Variants in PPP1R14D observed in about 807,000 individuals in gnomAD.
The protein encoded by PPP1R14D is protein phosphatase 1 regulatory subunit 14D.
PPP1R14D carries 14 observed loss-of-function variants against 17.1 expected under a neutral mutation model. The observed-to-expected ratio is 0.82, with a 90% CI of 0.54 to 1.28. The LOEUF (loss-of-function observed/expected upper bound fraction) is 1.28. PPP1R14D is among the 50% of genes most tolerant of loss of function. The pLI is 0.00. For synonymous variants in PPP1R14D, 67 were observed against 66.1 expected (o/e 1.01, Z -0.06); for missense variants, 173 against 179.2 (o/e 0.97, Z 0.20).
intron 1 of PPP1R14D, among the ~76,000 whole-genome samples, chr15:40,827,908 C>T (rs1342979292): frequency 6.6e-6 from 1 of 151,022 alleles, no homozygotes. Flanking sequence ...TGCAACAGGG[C>T]AAGACTTTGT....
intron 1 of PPP1R14D, among the ~76,000 whole-genome samples, chr15:40,825,861 A>ATTC (rs1890861356): frequency 2.6e-5 from 4 of 152,190 alleles, no homozygotes; most frequent in African/African-American, 4.8e-5. Flanking sequence ...TTGCCTGGGA[A>ATTC]CGCTCCTTCC....
chr15:40,817,629 T>C (rs1389066327), intron 1 of PPP1R14D, among the ~76,000 whole-genome samples: 5 of 151,108 alleles, frequency 3.3e-5, no homozygotes, highest in Non-Finnish European at 7.4e-5. Flanking sequence ...TTTTTTTTTT[T>C]TTGAGACAAA....
intron 1 of PPP1R14D, among the ~76,000 whole-genome samples, 171 bp from the exon 2 acceptor site, chr15:40,816,424 A>G (rs557027266): frequency 6.6e-6 from 1 of 152,354 alleles, no homozygotes; most frequent in Non-Finnish European, 1.5e-5. Context: ...AACATATACT[A>G]TATTTTGGCT....
chr15:40,827,946 C>A (rs150423878), intron 1 of PPP1R14D, among the ~76,000 whole-genome samples: 1 of 140,650 alleles, frequency 7.1e-6, no homozygotes, highest in Admixed American at 7.6e-5. Flanking sequence ...AAACAAAAAA[C>A]AAAAGAAAGA....
intron 1 of PPP1R14D, among the ~76,000 whole-genome samples, chr15:40,821,785 G>A (rs1466450730): frequency 1.3e-5 from 2 of 151,858 alleles, no homozygotes; most frequent in Non-Finnish European, 2.9e-5. Context: ...AAAATTAGCC[G>A]GGTGTGGTGG....
intron 1 of PPP1R14D, among the ~76,000 whole-genome samples, chr15:40,823,087 C>A (rs569692913): frequency 1.1e-3 from 168 of 151,792 alleles, no homozygotes; most frequent in Non-Finnish European, 1.8e-3. Flanking sequence ...GCCTTAGCCT[C>A]CCAAGCAGCT....
chr15:40,819,491 C>T (rs1415001681), intron 1 of PPP1R14D, among the ~76,000 whole-genome samples: 1 of 150,758 alleles, frequency 6.6e-6, no homozygotes, highest in African/African-American at 2.4e-5. Flanking sequence ...GAGCCAATAT[C>T]ACGCCACTGC....
intron 1 of PPP1R14D, among the ~76,000 whole-genome samples, chr15:40,819,023 A>G (rs1596125478): frequency 6.6e-6 from 1 of 152,314 alleles, no homozygotes; most frequent in East Asian, 1.9e-4. Context: ...ACTGCTCTAA[A>G]AAATAGGTCT....
At chr15:40,822,760 C>T (rs550874061) in intron 1 of PPP1R14D, among the ~76,000 whole-genome samples, 1 of 151,268 alleles carries the variant, frequency 6.6e-6, no homozygotes, top group Admixed American at 6.6e-5. Context: ...GCCTCAAGAC[C>T]AGTTTTTTAA....
intron 1 of PPP1R14D, among the ~76,000 whole-genome samples, chr15:40,820,493 G>T (rs1890756744): frequency 6.6e-6 from 1 of 151,892 alleles, no homozygotes; most frequent in Admixed American, 6.6e-5. Context: ...AGCCAGAAAA[G>T]ACATAAATGA....
intron 1 of PPP1R14D, among the ~76,000 whole-genome samples, chr15:40,820,796 G>A (rs1223138455): frequency 6.6e-6 from 1 of 151,986 alleles, no homozygotes; most frequent in Non-Finnish European, 1.5e-5. Flanking sequence ...GGGAGGTGGA[G>A]GTTGCAGTGA....
chr15:40,822,085 C>T (rs1290036011), intron 1 of PPP1R14D, among the ~76,000 whole-genome samples: 1 of 151,974 alleles, frequency 6.6e-6, no homozygotes, highest in Non-Finnish European at 1.5e-5. Flanking sequence ...CGAGACCAGC[C>T]TGGGCAACAT....
At chr15:40,820,708 A>G (rs1051800675) in intron 1 of PPP1R14D, among the ~76,000 whole-genome samples, 4 of 151,028 alleles carry the variant, frequency 2.6e-5, no homozygotes, top group African/African-American at 9.7e-5. Context: ...AAAAATACAA[A>G]AATTTAGCGA....
intron 1 of PPP1R14D, among the ~76,000 whole-genome samples, chr15:40,819,807 G>A (rs1383792802): frequency 1.3e-5 from 2 of 151,932 alleles, no homozygotes; most frequent in African/African-American, 4.8e-5. Flanking sequence ...GTGCTGTTGG[G>A]GAAATACATG....
intron 1 of PPP1R14D, among the ~76,000 whole-genome samples, chr15:40,823,965 C>A (rs116435407): frequency 0.013 from 1,993 of 149,242 alleles, 46 homozygotes; most frequent in African/African-American, 0.046. Flanking sequence ...TAAAGACAAG[C>A]CTGAACAACA....
At chr15:40,827,769 CA>C (rs1215159851) in intron 1 of PPP1R14D, among the ~76,000 whole-genome samples, 3 of 151,552 alleles carry the variant, frequency 2.0e-5, no homozygotes, top group Non-Finnish European at 4.4e-5. Flanking sequence ...AAAAAAAATA[CA>C]AAAAAATTTG....
Position 40,815,722 on chromosome 15 carries a change from G to A in PPP1R14D, c.412C>T (p.Arg138Trp), listed in dbSNP as rs765104613. 8 of 1,613,492 alleles carry A rather than the reference G, an allele frequency of 5.0e-6. No individual in the cohort carries two copies. In the Admixed American group the frequency reaches 5.0e-5, roughly 10 times the overall value. ...TATTTCTGAGGCCGGCTGAGTCTCC[G>A]GAGTTTCTTGAGTTGACTGAGCAGC... Reference protein sequence around the residue: ...SELLSQLKKLRRLSRPQK With the variant: ...SELLSQLKKLWRLSRPQK The change falls in exon 4 of 4, where the codon CGG (arginine) becomes TGG (tryptophan). Residue 138 changes from arginine to tryptophan, a missense_variant. Physicochemically the swap from Arg to Trp is moderately radical, Grantham distance 101. Coordinates refer to ENST00000299174, the MANE Select transcript of PPP1R14D (RefSeq NM_017726.8).
chr15:40,815,503 C>G lies in PPP1R14D; in HGVS notation c.*193G>C, dbSNP rs889628069. ...GGCTGCCAAGGAAGGCATTGGACAA[C>G]AGCCAGCTTTCTCCCAGAGAGCCCA... On this transcript the variant is annotated 3_prime_UTR_variant, in exon 4 of 4. Coordinates refer to ENST00000299174, the MANE Select transcript of PPP1R14D (RefSeq NM_017726.8). 4.0e-5 allele frequency: 27 copies of G among 681,186 alleles called. No homozygotes were observed. Among genetic ancestry groups the G allele is most frequent in the Non-Finnish European group, 6.3e-5 (26 of 415,024 alleles). The allele number at this position is 681,186 out of a possible 1,614,324, so 42.2% of individuals were successfully genotyped here.
intron 1 of PPP1R14D, among the ~76,000 whole-genome samples, chr15:40,824,068 A>T (rs1890830204): frequency 6.6e-6 from 1 of 151,678 alleles, no homozygotes; most frequent in African/African-American, 2.4e-5. Context: ...CAGTCCAAAT[A>T]CTCTTGCCCT....
Sources: gnomAD v4.1 joint callset for allele counts (sites outside exome capture counted in the v4.1 genomes callset) on GRCh38, gnomAD v4.1.1 for gene constraint, MANE v1.5 for transcripts, NCBI Gene and HGNC (gene_info 2026-07-23, HGNC 2026-07-21) for gene names.